AGO3: variants seen among roughly 807,000 people sequenced by gnomAD.
AGO3 encodes the protein argonaute RISC catalytic component 3.
Under a neutral mutation model 105.5 loss-of-function variants are expected in AGO3, and 16 were observed. That is an observed-to-expected ratio of 0.15 (90% CI 0.10 to 0.23). The LOEUF (loss-of-function observed/expected upper bound fraction) is 0.23, where lower values mean the gene tolerates loss of function less well. Ranked by LOEUF, AGO3 falls within the 10% of genes least tolerant of loss-of-function variation. AGO3 has a pLI of 1.00. For missense variants in AGO3, 534 were observed against 1,088.0 expected (o/e 0.49, Z 7.16); for synonymous variants, 340 against 367.3 (o/e 0.93, Z 0.85).
rs140610926 is a variant in AGO3, at chr1:35,999,593, A to G, written c.659-4748A>G. Among the ~76,000 whole-genome samples, 616 of 152,286 alleles carry G rather than the reference A, an allele frequency of 4.0e-3. 11 individuals carry two copies. Among genetic ancestry groups the G allele is most frequent in the East Asian group, 0.019 (97 of 5,190 alleles). ...CATAGGTCTTATACACCTTTTGTTT[A>G]GATTTCATCTCAAATGCCTTATGTT... On this transcript the variant is annotated intron_variant, in intron 5 of 18. Coordinates refer to ENST00000373191, the MANE Select transcript of AGO3 (RefSeq NM_024852.4).
At chr1:36,010,254 A>G (rs1313795554) in intron 9 of AGO3, among the ~76,000 whole-genome samples, 2 of 151,962 alleles carry the variant, frequency 1.3e-5, no homozygotes, top group African/African-American at 4.8e-5. Flanking sequence ...TAAAATTCTT[A>G]ACACTCAGTC....
chr1:35,972,987 A>C (rs1203925832), intron 4 of AGO3, among the ~76,000 whole-genome samples: 1 of 145,110 alleles, frequency 6.9e-6, no homozygotes, highest in African/African-American at 2.6e-5. Flanking sequence ...GTGAGCCCCC[A>C]CACCTGACTC....
intron 2 of AGO3, among the ~76,000 whole-genome samples, chr1:35,955,817 A>G (rs1174123615): frequency 6.6e-6 from 1 of 151,434 alleles, no homozygotes. Context: ...CTGGCCTTGA[A>G]CTCCTTGTCT....
In AGO3 at chr1:35,945,495, C is replaced by T. The variant is rs746914019; in HGVS notation, c.20-197C>T. On this transcript the variant is annotated intron_variant, in intron 1 of 18. Coordinates refer to ENST00000373191, the MANE Select transcript of AGO3 (RefSeq NM_024852.4). ...TCCAGAACAGTTTTCCAGAGGCATACGGTTTTCTGTGTTTATTTTTAATGA... is the reference window on the plus strand; with the variant it reads ...TCCAGAACAGTTTTCCAGAGGCATATGGTTTTCTGTGTTTATTTTTAATGA... Among the ~76,000 whole-genome samples, 7 of 152,098 alleles carry T rather than the reference C, an allele frequency of 4.6e-5. 1 individual carries two copies. In the East Asian group the frequency reaches 5.8e-4, roughly 13 times the overall value.
chr1:36,013,030 A>G (rs1228690208), intron 9 of AGO3, among the ~76,000 whole-genome samples: 1 of 151,812 alleles, frequency 6.6e-6, no homozygotes, highest in Non-Finnish European at 1.5e-5. Context: ...TTGAGCTCCC[A>G]GGCTCAAGCG....
chr1:36,003,709 A>AAAAAAAATATATATAT (rs1295618675), intron 5 of AGO3, among the ~76,000 whole-genome samples: 12 of 99,428 alleles, frequency 1.2e-4, no homozygotes, highest in Non-Finnish European at 1.9e-4. Context: ...AAAAAAAAAA[A>AAAAAAAATATATATAT]ATATATATAT....
intron 1 of AGO3, among the ~76,000 whole-genome samples, chr1:35,943,139 G>A (rs1393215822): frequency 1.3e-5 from 2 of 151,356 alleles, no homozygotes; most frequent in Non-Finnish European, 2.9e-5. Context: ...AGTAGCTGGT[G>A]GCTACAGGTG....
Position 36,069,698 on chromosome 1 carries a change from A to G in AGO3, c.*13953A>G, listed in dbSNP as rs1177108783. The G allele has an allele frequency of 6.6e-6, 1 of 152,220 alleles. No homozygotes were observed. The allele number at this position is 152,220 out of a possible 1,614,324, so 9.4% of individuals were successfully genotyped here. A position where few individuals can be genotyped will look rare whatever the true frequency, so the allele number is the denominator to read the frequency against. On this transcript the variant is annotated 3_prime_UTR_variant, in exon 19 of 19. Coordinates refer to ENST00000373191, the MANE Select transcript of AGO3 (RefSeq NM_024852.4). ...AAAAGCATAACTTTTCAAAAACCAA[A>G]TGATTTTAGTGGTGCTATGGCAGCT...
At position 36,039,859 on chromosome 1, in the gene AGO3, G is replaced by C. The variant is rs1156347243; in HGVS notation, c.1912G>C (p.Glu638Gln). The change falls in exon 15 of 19, where the codon GAG becomes CAG. Residue 638 changes from glutamate (E) to glutamine (Q), a missense_variant. Glu to Gln is a conservative substitution (Grantham distance 29). This residue lies in a region of AGO3 where 373 missense variants were observed against 854.0 expected (regional missense o/e 0.44). Transcript: ENST00000373191. ...ATVRVQRPRQ[E>Q]IIQDLASMVR... is the part of the protein sequence containing the mutation. ...AGTAAGAGTTCAGAGACCCCGACAG[G>C]AGATCATCCAGGACTTGGCCTCCAT... 1 of 1,613,790 alleles carries C rather than the reference G, an allele frequency of 6.2e-7. No homozygotes were observed. The highest frequency in any genetic ancestry group is 1.7e-5 in the Admixed American group (1 of 59,940).
intron 17 of AGO3, among the ~76,000 whole-genome samples, chr1:36,049,489 A>G (rs1557713910): frequency 6.6e-6 from 1 of 151,662 alleles, no homozygotes; most frequent in South Asian, 2.1e-4. Context: ...CTGCACTCCA[A>G]CCTGGCGACA....
chr1:36,014,874 G>C (rs1454874057), intron 11 of AGO3, among the ~76,000 whole-genome samples: 1 of 151,738 alleles, frequency 6.6e-6, no homozygotes, highest in East Asian at 1.9e-4. Context: ...AGACTACTGT[G>C]AATGGAAAAA....
intron 2 of AGO3, among the ~76,000 whole-genome samples, chr1:35,946,915 A>G (rs920659289): frequency 6.6e-6 from 1 of 152,194 alleles, no homozygotes; most frequent in East Asian, 1.9e-4. Flanking sequence ...TTTTTTATTT[A>G]TAGCTGAAAT....
intron 5 of AGO3, among the ~76,000 whole-genome samples, chr1:35,986,995 CAAAAA>C (rs56230663): frequency 8.7e-6 from 1 of 115,032 alleles, no homozygotes; most frequent in Non-Finnish European, 1.8e-5. Flanking sequence ...GACTCCGTCT[CAAAAA>C]AAAAAAAAGG....
In AGO3 at chr1:36,043,415, T is replaced by G. The variant is rs533901648; in HGVS notation, c.2173-32T>G. The G allele has an allele frequency of 9.6e-5, 150 of 1,560,288 alleles. 5 individuals carry two copies. The South Asian group carries it at 1.7e-3, about 17-fold the overall frequency. ...TTCAGATATATTTTTACCTTTTTCTTGTTTGTTTAAACTTTAACCAAACAA... is the reference window on the plus strand; with the variant it reads ...TTCAGATATATTTTTACCTTTTTCTGGTTTGTTTAAACTTTAACCAAACAA... On this transcript the variant is annotated intron_variant, in intron 16 of 18. Transcript: ENST00000373191.
intron 2 of AGO3, among the ~76,000 whole-genome samples, chr1:35,946,793 C>G (rs768961306): frequency 1.3e-5 from 2 of 152,190 alleles, no homozygotes; most frequent in African/African-American, 4.8e-5. Flanking sequence ...ACAACAACAC[C>G]TCTAAGAATG....
At chr1:36,033,768 AAG>A (rs1242954606) in intron 12 of AGO3, among the ~76,000 whole-genome samples, 8 of 152,098 alleles carry the variant, frequency 5.3e-5, no homozygotes, top group Non-Finnish European at 1.0e-4. Context: ...AATTAAAGAT[AAG>A]AGAATAGGAT....
At chr1:35,943,604 T>A (rs1646299148) in intron 1 of AGO3, among the ~76,000 whole-genome samples, 1 of 113,404 alleles carries the variant, frequency 8.8e-6, no homozygotes, top group Admixed American at 1.3e-4. Context: ...CCCAGCCCTT[T>A]TTTTTTTTTT....
rs1031179511 is a variant in AGO3, at chr1:36,061,473, T to C, written c.*5728T>C. 6.6e-6 allele frequency: 1 copy of C among 152,202 alleles called. No individual in the cohort carries two copies. The highest frequency in any genetic ancestry group is 1.5e-5 in the Non-Finnish European group (1 of 68,028). 9.4% of individuals were successfully genotyped at this position (152,202 alleles called of 1,614,324 possible). ...ATCTTTTGTTCTTAAAATATGGAAG[T>C]TAAAGATTTTAATTTGAATTAAAGA... is the stretch of plus-strand genomic sequence containing the variant. On this transcript the variant is annotated 3_prime_UTR_variant, in exon 19 of 19. Coordinates refer to ENST00000373191, the MANE Select transcript of AGO3 (RefSeq NM_024852.4).
At chr1:35,967,562 G>A (rs901113114) in intron 3 of AGO3, among the ~76,000 whole-genome samples, 1 of 151,730 alleles carries the variant, frequency 6.6e-6, no homozygotes, top group Non-Finnish European at 1.5e-5. Flanking sequence ...TTACAGGCAC[G>A]TGCTACCACT....
Sources: allele counts gnomAD v4.1 joint callset (sites outside exome capture counted in the v4.1 genomes callset), GRCh38; gene constraint gnomAD v4.1.1; regional missense constraint gnomAD v4.1.1; transcripts MANE v1.5; gene names NCBI Gene and HGNC (gene_info 2026-07-23, HGNC 2026-07-21).